Variants in PCDHGA6 observed in about 807,000 individuals in gnomAD.
The protein encoded by PCDHGA6 is protocadherin gamma subfamily A, 6.
PCDHGA6 carries 41 observed loss-of-function variants against 60.6 expected under a neutral mutation model. The observed-to-expected ratio is 0.68, with a 90% CI of 0.53 to 0.88. The LOEUF (loss-of-function observed/expected upper bound fraction) is 0.88. Ranked by LOEUF, PCDHGA6 falls within the 40% of genes least tolerant of loss-of-function variation. The pLI is 0.00. For synonymous variants in PCDHGA6, 594 were observed against 524.4 expected (o/e 1.13, Z -1.81); for missense variants, 1,312 against 1,203.0 (o/e 1.09, Z -1.34).
chr5:141,406,307 T>C (rs2094791462), intron 1 of PCDHGA6, among the ~76,000 whole-genome samples: 1 of 152,088 alleles, frequency 6.6e-6, no homozygotes, highest in African/African-American at 2.4e-5. Flanking sequence ...GTGAACCACC[T>C]CACCCAGCAA....
Position 141,477,160 on chromosome 5 carries a change from C to A in PCDHGA6, c.2425-17647C>A, listed in dbSNP as rs768436526. The A allele has an allele frequency of 1.9e-5, 31 of 1,614,068 alleles. No homozygotes were observed. The African/African-American group carries it at 3.6e-4, about 19-fold the overall frequency. On this transcript the variant is annotated intron_variant, in intron 1 of 3. Coordinates refer to ENST00000517434, the MANE Select transcript of PCDHGA6 (RefSeq NM_018919.3). This position sits in a 1 kb window ranked among gnomAD's most constrained non-coding sequence, Gnocchi z 4.9. ...TGGAGGTTGTGGATGTGAATGACAA[C>A]GCCCCGGAGATCACAGTCACCTCCG...
chr5:141,442,725 G>A (rs1381140725), intron 1 of PCDHGA6, among the ~76,000 whole-genome samples: 1 of 152,198 alleles, frequency 6.6e-6, no homozygotes, highest in Admixed American at 6.5e-5. Flanking sequence ...AGCATTTGGG[G>A]CCTGTAGGTA....
intron 1 of PCDHGA6, among the ~76,000 whole-genome samples, chr5:141,462,941 G>A (rs1667222225): frequency 6.6e-6 from 1 of 152,158 alleles, no homozygotes; most frequent in Non-Finnish European, 1.5e-5. Flanking sequence ...TTCAAGGCTT[G>A]TTTTTAAGCT....
At chr5:141,434,883 C>T (rs1490696834) in intron 1 of PCDHGA6, among the ~76,000 whole-genome samples, 1 of 151,644 alleles carries the variant, frequency 6.6e-6, no homozygotes, top group Non-Finnish European at 1.5e-5. Context: ...ATACCAACAA[C>T]AATCCAGTCC....
intron 1 of PCDHGA6, chr5:141,390,140 A>G (rs747174609): frequency 3.5e-5 from 57 of 1,613,798 alleles, no homozygotes; most frequent in Middle Eastern, 1.6e-4. Context: ...CCTACAATCT[A>G]TGTGTTGCAC....
At chr5:141,387,676 G>A (rs1218377613) in intron 1 of PCDHGA6, 7 of 732,116 alleles carry the variant, frequency 9.6e-6, no homozygotes, top group Non-Finnish European at 1.5e-5. Flanking sequence ...AGATCTCCTC[G>A]CGCAGCCGCA....
chr5:141,472,290 C>T (rs2099275934), intron 1 of PCDHGA6, among the ~76,000 whole-genome samples: 2 of 152,096 alleles, frequency 1.3e-5, no homozygotes, highest in Admixed American at 6.6e-5. Flanking sequence ...ACCTGTAATC[C>T]CAGCACTTTG....
At chr5:141,444,804 A>G (rs140326088) in intron 1 of PCDHGA6, among the ~76,000 whole-genome samples, 1 of 152,250 alleles carries the variant, frequency 6.6e-6, no homozygotes, top group Non-Finnish European at 1.5e-5. Flanking sequence ...TCTTTTACTA[A>G]TAGCACACTG....
intron 1 of PCDHGA6, chr5:141,400,525 G>C: frequency 2.5e-6 from 4 of 1,613,908 alleles, no homozygotes; most frequent in Non-Finnish European, 2.5e-6. Flanking sequence ...TCCTGAGTTG[G>C]TGAGTTTCAT....
Position 141,375,785 on chromosome 5 carries a change from C to G in PCDHGA6, c.1702C>G (p.Pro568Ala). ...GCCCGAGATCCTGTACCCCGCCCTC[C>G]CCACAGACGGTTCCACTGGCGTGGA... ...NAPEILYPAL[P>A]TDGSTGVELA... The change falls in exon 1 of 4, where the codon CCC becomes GCC. Residue 568 changes from proline (P) to alanine (A), a missense_variant. Coordinates refer to ENST00000517434, the MANE Select transcript of PCDHGA6 (RefSeq NM_018919.3). The G allele has an allele frequency of 6.2e-7, 1 of 1,614,256 alleles. No homozygotes were observed. The highest frequency in any genetic ancestry group is 8.5e-7 in the Non-Finnish European group (1 of 1,180,040).
rs57426385 is a variant in PCDHGA6, at chr5:141,415,740, G to GTTTTTTTTTTTT, written c.2424+39254_2424+39265dup. 137 of 625,016 alleles carry GTTTTTTTTTTTT rather than the reference G, an allele frequency of 2.2e-4. 2 individuals carry two copies. The highest frequency in any genetic ancestry group is 3.5e-4 in the Admixed American group (5 of 14,120). The allele number at this position is 625,016 out of a possible 1,614,324, so 38.7% of individuals were successfully genotyped here. On this transcript the variant is annotated intron_variant, in intron 1 of 3. Coordinates refer to ENST00000517434, the MANE Select transcript of PCDHGA6 (RefSeq NM_018919.3). ...TGAGTAGAATTTGATGTTTATTAAG[G>GTTTTTTTTTTTT]TTTTTTTTTTTTTTTTTTTTTTTTT... is the stretch of plus-strand genomic sequence containing the variant.
intron 1 of PCDHGA6, among the ~76,000 whole-genome samples, chr5:141,460,922 ATATGTGTGTGTG>A: frequency 6.6e-6 from 1 of 151,042 alleles, no homozygotes; most frequent in Non-Finnish European, 1.5e-5. Context: ...GTATATATAT[ATATGTGTGTGTG>A]TATATATATG....
At chr5:141,383,656 G>A in intron 1 of PCDHGA6, 1 of 1,614,008 alleles carries the variant, frequency 6.2e-7, no homozygotes, top group South Asian at 1.1e-5. Context: ...AACTGTCCCC[G>A]AGAATGTGCC....
intron 1 of PCDHGA6, chr5:141,389,562 G>T (rs1561626191): frequency 1.2e-6 from 2 of 1,613,284 alleles, no homozygotes; most frequent in Non-Finnish European, 1.7e-6. Context: ...TGCGCCACGG[G>T]TGCTGTACCC....
At chr5:141,381,826 C>CTTCTTTTTTTTTTTTTTT (rs1777532522) in intron 1 of PCDHGA6, among the ~76,000 whole-genome samples, 1 of 74,284 alleles carries the variant, frequency 1.3e-5, no homozygotes, top group African/African-American at 6.2e-5. Flanking sequence ...CTTTCTTCTT[C>CTTCTTTTTTTTTTTTTTT]TTTTTTTTTT....
At chr5:141,454,557 C>T (rs191373514) in intron 1 of PCDHGA6, among the ~76,000 whole-genome samples, 8 of 152,160 alleles carry the variant, frequency 5.3e-5, no homozygotes, top group Admixed American at 5.2e-4. Flanking sequence ...CAGGCATGTG[C>T]CACCACGCCC....
rs1314264090 is a variant in PCDHGA6, at chr5:141,490,459, C to T, written c.2425-4348C>T. 7 of 1,614,100 alleles carry T rather than the reference C, an allele frequency of 4.3e-6. No homozygotes were observed. Among genetic ancestry groups the T allele is most frequent in the Non-Finnish European group, 5.9e-6 (7 of 1,180,040 alleles). ...GCCTTCTGAGAACCACTACTCGCTG[C>T]TAACCAGCCAGCCTTTGGACCGGGA... On this transcript the variant is annotated intron_variant, in intron 1 of 3. Coordinates refer to ENST00000517434, the MANE Select transcript of PCDHGA6 (RefSeq NM_018919.3). The surrounding 1 kb of genome is among the most constrained non-coding windows in gnomAD (Gnocchi z 5.4).
Position 141,375,441 on chromosome 5 carries a change from C to T in PCDHGA6, c.1358C>T (p.Pro453Leu), listed in dbSNP as rs904228732. 4.3e-6 allele frequency: 7 copies of T among 1,613,912 alleles called. No individual in the cohort carries two copies. The highest frequency in any genetic ancestry group is 1.7e-5 in the Admixed American group (1 of 60,012). ...ACCAACGACAACCCGCCCACCTTCC[C>T]CCATTCATCCTACTCAGTCTATGTC... is the stretch of plus-strand genomic sequence containing the variant. ...ADTNDNPPTF[P>L]HSSYSVYVLE... The change falls in exon 1 of 4, where the codon CCC becomes CTC. Residue 453 changes from proline to leucine, a missense_variant. Transcript: ENST00000517434.
intron 1 of PCDHGA6, chr5:141,400,564 C>T: frequency 6.2e-7 from 1 of 1,612,936 alleles, no homozygotes; most frequent in South Asian, 1.1e-5. Context: ...ATTACCCACC[C>T]AATTTTCTGT....
Sources: gnomAD v4.1 joint callset for allele counts (sites outside exome capture counted in the v4.1 genomes callset) on GRCh38, gnomAD v4.1.1 for gene constraint, Gnocchi (gnomAD v3.1) non-coding constraint, MANE v1.5 for transcripts, NCBI Gene and HGNC (gene_info 2026-07-23, HGNC 2026-07-21) for gene names.